The following DCP1B variants were observed in gnomAD, a reference collection of about 807,000 sequenced individuals.
DCP1B encodes decapping mRNA 1B.
In DCP1B, 47 loss-of-function variants were observed where a neutral mutation model predicts 60.5. The ratio of observed to expected loss-of-function variants is 0.78; its 90% CI spans 0.61 to 0.99. The LOEUF is 0.99. Among genes scored for constraint, DCP1B ranks in the 50% least tolerant of loss-of-function variants. The pLI, the probability that DCP1B is intolerant of heterozygous loss-of-function variation, is 0.00. For missense variants in DCP1B, 725 were observed against 756.8 expected (o/e 0.96, Z 0.49); for synonymous variants, 267 against 280.3 (o/e 0.95, Z 0.47).
At chr12:1,990,594 ATT>A (rs2039120311) in intron 3 of DCP1B, among the ~76,000 whole-genome samples, 1 of 152,140 alleles carries the variant, frequency 6.6e-6, no homozygotes, top group Non-Finnish European at 1.5e-5. Context: ...ACCTCTATCA[ATT>A]CTACCTTTGT....
intron 3 of DCP1B, among the ~76,000 whole-genome samples, chr12:1,969,153 A>G (rs2031620101): frequency 6.6e-6 from 1 of 152,240 alleles, no homozygotes; most frequent in South Asian, 2.1e-4. Context: ...ACACGTAATT[A>G]TATTAATAGT....
downstream of DCP1B, among the ~76,000 whole-genome samples, chr12:1,945,804 G>A (rs1318711316): frequency 6.6e-6 from 1 of 152,108 alleles, no homozygotes; most frequent in Non-Finnish European, 1.5e-5. Flanking sequence ...AACACCACAT[G>A]TTCTCACTCA....
chr12:1,978,275 C>T (rs1394358383), intron 3 of DCP1B, among the ~76,000 whole-genome samples: 1 of 152,120 alleles, frequency 6.6e-6, no homozygotes, highest in East Asian at 1.9e-4. Context: ...TGACATCAAG[C>T]TTTTGGTATT....
intron 3 of DCP1B, among the ~76,000 whole-genome samples, chr12:1,974,725 A>C (rs2033753628): frequency 6.6e-6 from 1 of 152,174 alleles, no homozygotes; most frequent in Non-Finnish European, 1.5e-5. Context: ...ATATATAAGC[A>C]CCTGAATGAC....
At chr12:1,994,199 C>T (rs1383064311) in intron 2 of DCP1B, among the ~76,000 whole-genome samples, 1 of 152,172 alleles carries the variant, frequency 6.6e-6, no homozygotes, top group African/African-American at 2.4e-5. Context: ...AATTCAACTG[C>T]GCAACTTCCG....
chr12:1,941,702 T>C (rs1161545611), downstream of DCP1B, among the ~76,000 whole-genome samples: 2 of 152,232 alleles, frequency 1.3e-5, no homozygotes, highest in Admixed American at 6.5e-5. Flanking sequence ...TTAATGTTGA[T>C]GGTATTCCTT....
In DCP1B at chr12:1,974,479, C is replaced by T. The variant is rs149031742; in HGVS notation, c.320-6569G>A. Among the ~76,000 whole-genome samples, 834 of 152,248 alleles carry T rather than the reference C, an allele frequency of 5.5e-3. 7 individuals are homozygous for T. Among genetic ancestry groups the T allele is most frequent in the African/African-American group, 0.019 (772 of 41,556 alleles). ...AGCACTATGTAGACACTAATGTACT[C>T]GTTTAATGTGTATTTACTATTACAA... On this transcript the variant is annotated intron_variant, in intron 3 of 8. Transcript: ENST00000280665.
At chr12:1,947,499 C>T (rs1287775341) in intron 8 of DCP1B, among the ~76,000 whole-genome samples, 1 of 152,160 alleles carries the variant, frequency 6.6e-6, no homozygotes, top group Non-Finnish European at 1.5e-5. Context: ...AAGTAAAATG[C>T]ACGCAGAGTG....
chr12:1,996,404 G>A (rs758550997), intron 2 of DCP1B, among the ~76,000 whole-genome samples: 15 of 151,600 alleles, frequency 9.9e-5, no homozygotes, highest in Non-Finnish European at 1.9e-4. Context: ...AACACACCAG[G>A]TTCTCCGCCC....
chr12:2,003,393 T>G (rs548805293), intron 1 of DCP1B, among the ~76,000 whole-genome samples: 13 of 152,370 alleles, frequency 8.5e-5, no homozygotes, highest in African/African-American at 3.1e-4. Flanking sequence ...TATTTTAAAA[T>G]GATGGATATC....
At chr12:1,961,257 A>G (rs1350373858) in intron 5 of DCP1B, 1 of 152,182 alleles carries the variant, frequency 6.6e-6, no homozygotes, top group Non-Finnish European at 1.5e-5. Flanking sequence ...GGGTTAGAAG[A>G]ACAAACTGAG....
rs2037367386 is a variant in DCP1B, at chr12:1,985,258, A to G, written c.319+8006T>C. On this transcript the variant is annotated intron_variant, in intron 3 of 8. Coordinates refer to ENST00000280665, the MANE Select transcript of DCP1B (RefSeq NM_152640.5). Reference sequence around the variant, plus strand: ...TCAATGGCACAAATTAGACCTTCTGATATTGCCCCACGGATTTCTGAAGGC... The same window carrying G: ...TCAATGGCACAAATTAGACCTTCTGGTATTGCCCCACGGATTTCTGAAGGC... Among the ~76,000 whole-genome samples, 6 of 152,162 alleles carry G rather than the reference A, an allele frequency of 3.9e-5. No individual in the cohort carries two copies. The South Asian group carries it at 1.2e-3, about 32-fold the overall frequency.
intron 3 of DCP1B, chr12:1,992,044 T>TATA: frequency 2.8e-6 from 1 of 353,540 alleles, no homozygotes; most frequent in African/African-American, 2.2e-5. Flanking sequence ...CAATTCAAAC[T>TATA]GGCATTTCTG....
Position 2,004,424 on chromosome 12 carries a change from G to A in DCP1B, c.8C>T (p.Ala3Val). ...TCCCACCAGGCCGCCTGCCGCCACGGCTGCCATCTTCCCTCCCTCCCAGAC... is the reference window on the plus strand; with the variant it reads ...TCCCACCAGGCCGCCTGCCGCCACGACTGCCATCTTCCCTCCCTCCCAGAC... MA[A>V]VAAGGLVGKG... The change falls in exon 1 of 9, where the codon GCC becomes GTC. Residue 3 changes from alanine to valine, a missense_variant. Physicochemically the swap from Ala to Val is moderately conservative, Grantham distance 64 (BLOSUM62 0). Coordinates refer to ENST00000280665, the MANE Select transcript of DCP1B (RefSeq NM_152640.5). 6.2e-7 allele frequency: 1 copy of A among 1,609,328 alleles called. No homozygotes were observed. The highest frequency in any genetic ancestry group is 8.5e-7 in the Non-Finnish European group (1 of 1,178,284).
At chr12:1,959,044 T>C (rs113933921) in intron 5 of DCP1B, among the ~76,000 whole-genome samples, 8 of 130,144 alleles carry the variant, frequency 6.1e-5, no homozygotes, top group Middle Eastern at 4.6e-3. Flanking sequence ...TCCCCAACGT[T>C]GCTCTGGGCA....
At chr12:1,967,548 T>C (rs2031334201) in intron 4 of DCP1B, among the ~76,000 whole-genome samples, 1 of 152,166 alleles carries the variant, frequency 6.6e-6, no homozygotes, top group Non-Finnish European at 1.5e-5. Context: ...AAGCAAAAAA[T>C]TGCTAATTTA....
intron 4 of DCP1B, among the ~76,000 whole-genome samples, 174 bp downstream of exon 4, chr12:1,967,670 A>C (rs980066112): frequency 2.6e-5 from 4 of 152,278 alleles, no homozygotes; most frequent in Non-Finnish European, 5.9e-5. Context: ...AACTGCGGCA[A>C]GTTGTTCTTA....
chr12:2,004,247 C>A (rs202018880), intron 1 of DCP1B, 35 bp downstream of exon 1: 28 of 1,611,396 alleles, frequency 1.7e-5, no homozygotes, highest in Non-Finnish European at 2.2e-5. Flanking sequence ...CCACCCCAAC[C>A]CTGGGCTGCA....
At chr12:1,984,785 A>T (rs903387263) in intron 3 of DCP1B, among the ~76,000 whole-genome samples, 5 of 151,130 alleles carry the variant, frequency 3.3e-5, no homozygotes, top group Non-Finnish European at 5.9e-5. Flanking sequence ...TGGTAAAAAA[A>T]AAAAAAAAAA....
Sources: allele counts gnomAD v4.1 joint callset (sites outside exome capture counted in the v4.1 genomes callset), GRCh38; gene constraint gnomAD v4.1.1; transcripts MANE v1.5; gene names NCBI Gene and HGNC (gene_info 2026-07-23, HGNC 2026-07-21).